Variants in SLC24A4 observed in about 807,000 individuals in gnomAD.
SLC24A4 encodes the protein solute carrier family 24 member 4.
In SLC24A4, 53 loss-of-function variants were observed where a neutral mutation model predicts 79.0. The ratio of observed to expected loss-of-function variants is 0.67; its 90% CI spans 0.54 to 0.84. The LOEUF is 0.84. SLC24A4 is among the 40% of genes least tolerant of loss of function. The pLI, the probability that SLC24A4 is intolerant of heterozygous loss-of-function variation, is 0.00. For synonymous variants in SLC24A4, 323 were observed against 323.8 expected (o/e 1.00, Z 0.03); for missense variants, 731 against 822.0 (o/e 0.89, Z 1.35).
rs560097445 is a variant in SLC24A4, at chr14:92,441,655, T to C, written c.394-434T>C. On this transcript the variant is annotated intron_variant, in intron 4 of 16. Transcript: ENST00000532405. The surrounding 1 kb of genome is among the most constrained non-coding windows in gnomAD (Gnocchi z 4.6). ...TGTTCTAGGCACCAGGGATGCAAAG[T>C]TGGGAAAGACCAGTTGCTGCCCTCA... Among the ~76,000 whole-genome samples, 1 of 152,266 alleles carries C rather than the reference T, an allele frequency of 6.6e-6. No homozygotes were observed. Among genetic ancestry groups the C allele is most frequent in the African/African-American group, 2.4e-5 (1 of 41,552 alleles).
At chr14:92,361,575 A>G (rs1277601594) in intron 2 of SLC24A4, among the ~76,000 whole-genome samples, 4 of 152,154 alleles carry the variant, frequency 2.6e-5, no homozygotes, top group African/African-American at 9.7e-5. Context: ...TTAAAATTTG[A>G]CTTTTGCTAG....
rs1461006352 is a variant in SLC24A4, at chr14:92,325,883, C to T, written c.146C>T (p.Ser49Phe). ...LFGSLGHKTA[S>F]ASKRVLPDTW... Reference sequence around the variant, plus strand: ...TCCAATCCAGGGCACAAAACAGCTTCTGCTAGCAAACGTGTCCTGCCAGAC... The same window carrying T: ...TCCAATCCAGGGCACAAAACAGCTTTTGCTAGCAAACGTGTCCTGCCAGAC... The change falls in exon 2 of 17, where the codon TCT (serine) becomes TTT (phenylalanine). Residue 49 changes from serine (S) to phenylalanine (F), a missense_variant. Coordinates refer to ENST00000532405, the MANE Select transcript of SLC24A4 (RefSeq NM_153646.4). 3.7e-6 allele frequency: 6 copies of T among 1,609,796 alleles called. No homozygotes were observed. The highest frequency in any genetic ancestry group is 5.1e-6 in the Non-Finnish European group (6 of 1,177,978).
intron 2 of SLC24A4, among the ~76,000 whole-genome samples, chr14:92,380,299 T>G (rs985965136): frequency 2.6e-5 from 4 of 152,166 alleles, no homozygotes; most frequent in Admixed American, 2.6e-4. Context: ...AGGTTGAGTC[T>G]CCTAGGAGGT....
intron 1 of SLC24A4, 140 bp from the exon 2 acceptor site, chr14:92,325,728 A>G (rs779132033): frequency 8.4e-6 from 5 of 595,804 alleles, no homozygotes; most frequent in East Asian, 2.8e-5. Context: ...TATACTTCCA[A>G]TCATCCTATC....
chr14:92,442,445 G>GAATTGTATATTT (rs1485106539), intron 5 of SLC24A4, among the ~76,000 whole-genome samples: 1 of 152,210 alleles, frequency 6.6e-6, no homozygotes, highest in Admixed American at 6.5e-5. Flanking sequence ...TAAAACCACC[G>GAATTGTATATTT]AATTGTATAT....
chr14:92,457,573 C>G (rs547826524), intron 12 of SLC24A4: 74 of 152,770 alleles, frequency 4.8e-4, no homozygotes, highest in African/African-American at 1.8e-3. Context: ...ATAGTAGGGG[C>G]TTGGTAGGTA....
intron 10 of SLC24A4, 116 bp downstream of exon 10, chr14:92,449,332 A>T (rs1023744458): frequency 2.4e-5 from 31 of 1,299,966 alleles, no homozygotes; most frequent in Middle Eastern, 2.4e-4. Context: ...ACCCTCTCAC[A>T]ATGTCCCCCC....
chr14:92,379,490 C>T (rs1211454977), intron 2 of SLC24A4, among the ~76,000 whole-genome samples: 1 of 152,102 alleles, frequency 6.6e-6, no homozygotes, highest in Non-Finnish European at 1.5e-5. Flanking sequence ...AGGGGAAGGA[C>T]CCGGCTTCAG....
At chr14:92,434,140 G>C in intron 3 of SLC24A4, 152 bp downstream of exon 3, 1 of 677,984 alleles carries the variant, frequency 1.5e-6, no homozygotes, top group Non-Finnish European at 2.6e-6. Flanking sequence ...CACACAGAAA[G>C]GATGTCTTAA....
intron 2 of SLC24A4, among the ~76,000 whole-genome samples, chr14:92,335,081 C>G (rs190427653): frequency 1.4e-3 from 210 of 152,142 alleles, no homozygotes; most frequent in East Asian, 1.5e-3. Context: ...ACGCGGCCAA[C>G]AAAAAGCAGA....
intron 14 of SLC24A4, among the ~76,000 whole-genome samples, chr14:92,489,085 G>A (rs777604806): frequency 3.9e-5 from 6 of 152,088 alleles, no homozygotes; most frequent in South Asian, 2.1e-4. Flanking sequence ...CGGGGGTTGC[G>A]TAATAGTCCT....
chr14:92,423,347 G>A (rs1462610645), intron 2 of SLC24A4, among the ~76,000 whole-genome samples: 1 of 152,156 alleles, frequency 6.6e-6, no homozygotes, highest in Non-Finnish European at 1.5e-5. Flanking sequence ...GTTTTGCCAT[G>A]TTGGCCAGGC....
intron 12 of SLC24A4, among the ~76,000 whole-genome samples, chr14:92,468,893 T>C (rs12897797): frequency 0.76 from 101,331 of 133,046 alleles, 35,218 homozygotes; most frequent in Non-Finnish European, 0.8. Context: ...ATCATGTATC[T>C]GTGTGTGTGT....
chr14:92,404,269 T>A (rs1890259511), intron 2 of SLC24A4, among the ~76,000 whole-genome samples: 1 of 152,212 alleles, frequency 6.6e-6, no homozygotes, highest in African/African-American at 2.4e-5. Flanking sequence ...CTTCCCTCAC[T>A]ATAGCCTCTT....
At chr14:92,429,141 C>T (rs575155346) in intron 2 of SLC24A4, among the ~76,000 whole-genome samples, 4 of 152,212 alleles carry the variant, frequency 2.6e-5, no homozygotes, top group South Asian at 2.1e-4. Flanking sequence ...CCATTTCCCA[C>T]GTGTCTCGGT....
chr14:92,464,722 A>G (rs1023334523), intron 12 of SLC24A4, among the ~76,000 whole-genome samples: 1 of 152,200 alleles, frequency 6.6e-6, no homozygotes, highest in Non-Finnish European at 1.5e-5. Context: ...CAGCCTCTGC[A>G]GATACACTGG....
At chr14:92,489,588 G>A (rs1257709913) in intron 14 of SLC24A4, among the ~76,000 whole-genome samples, 2 of 152,116 alleles carry the variant, frequency 1.3e-5, no homozygotes, top group East Asian at 1.9e-4. Context: ...TCCTAGCCCC[G>A]AGCATCGGCT....
At chr14:92,397,490 G>A (rs527555691) in intron 2 of SLC24A4, among the ~76,000 whole-genome samples, 7 of 152,236 alleles carry the variant, frequency 4.6e-5, no homozygotes, top group Non-Finnish European at 7.3e-5. Flanking sequence ...TACAGAAGGA[G>A]GAAGGAGCTT....
rs1428224589 is a variant in SLC24A4 at position 92,353,385 on chromosome 14, G to C, written c.241+27407G>C. ...CATTTAGTTTATTGTTGTAGCGCAA[G>C]AGGGCAAAAAGCATTGTTGCCATGA... is the stretch of plus-strand genomic sequence containing the variant. On this transcript the variant is annotated intron_variant, in intron 2 of 16. Transcript: ENST00000532405. This position sits in a 1 kb window ranked among gnomAD's most constrained non-coding sequence, Gnocchi z 4.1. Among the ~76,000 whole-genome samples, 1 of 152,236 alleles carries C rather than the reference G, an allele frequency of 6.6e-6. No individual in the cohort carries two copies. The highest frequency in any genetic ancestry group is 1.5e-5 in the Non-Finnish European group (1 of 68,034).
Sources: gnomAD v4.1 joint callset for allele counts (sites outside exome capture counted in the v4.1 genomes callset) on GRCh38, gnomAD v4.1.1 for gene constraint, Gnocchi (gnomAD v3.1) non-coding constraint, MANE v1.5 for transcripts, NCBI Gene and HGNC (gene_info 2026-07-23, HGNC 2026-07-21) for gene names.